ZNF704: variants seen among roughly 807,000 people sequenced by gnomAD.
ZNF704 encodes zinc finger protein 704, also known as glucocorticoid induced gene 1.
A neutral mutation model predicts 44.7 loss-of-function variants in ZNF704; 10 were observed. The ratio of observed to expected loss-of-function variants is 0.22; its 90% CI spans 0.14 to 0.38. The LOEUF (loss-of-function observed/expected upper bound fraction) is 0.38. Ranked by LOEUF, ZNF704 falls within the 10% of genes least tolerant of loss-of-function variation. ZNF704 has a pLI of 1.00. For missense variants in ZNF704, 390 were observed against 545.5 expected, an observed-to-expected ratio of 0.71 and a Z score of 2.84; for synonymous variants, 211 against 207.6, an observed-to-expected ratio of 1.02 and a Z score of -0.14.
chr8:80,789,531 G>A (rs905911035), intron 2 of ZNF704, among the ~76,000 whole-genome samples: 4 of 152,148 alleles, frequency 2.6e-5, no homozygotes, highest in African/African-American at 4.8e-5. Context: ...AGGATAGGTT[G>A]AGGATAAGAG....
intron 2 of ZNF704, among the ~76,000 whole-genome samples, chr8:80,766,510 C>A (rs1383753727): frequency 6.6e-6 from 1 of 152,160 alleles, no homozygotes; most frequent in Non-Finnish European, 1.5e-5. Flanking sequence ...CTTAATTTAG[C>A]TTCAGTTATC....
chr8:80,772,779 C>A (rs1353079702), intron 2 of ZNF704, among the ~76,000 whole-genome samples: 2 of 152,042 alleles, frequency 1.3e-5, no homozygotes, highest in Admixed American at 1.3e-4. Context: ...TTTATTATTT[C>A]TTTCCTTTGT....
intron 1 of ZNF704, among the ~76,000 whole-genome samples, chr8:80,822,526 T>C (rs919214681): frequency 2.0e-5 from 3 of 152,244 alleles, no homozygotes; most frequent in Non-Finnish European, 2.9e-5. Flanking sequence ...TGTGTCTTTA[T>C]AGCAGCATGA....
chr8:80,883,969 C>A, the ZNF704 span, among the ~76,000 whole-genome samples: 1 of 152,052 alleles, frequency 6.6e-6, no homozygotes, highest in Non-Finnish European at 1.5e-5. Flanking sequence ...TAAATTAACC[C>A]CAGCAACCTA....
chr8:80,802,996 G>T (rs2129801836), intron 2 of ZNF704, among the ~76,000 whole-genome samples: 1 of 151,980 alleles, frequency 6.6e-6, no homozygotes, highest in South Asian at 2.1e-4. Context: ...AAAGTCTCAA[G>T]ATAAAAAAAA....
At chr8:80,681,434 C>A (rs1044302965) in intron 4 of ZNF704, among the ~76,000 whole-genome samples, 8 of 152,008 alleles carry the variant, frequency 5.3e-5, no homozygotes, top group African/African-American at 1.9e-4. Context: ...CTACAACAGG[C>A]AGCATTAATC....
chr8:80,879,451 C>T (rs1165642254), upstream of ZNF704, among the ~76,000 whole-genome samples: 1 of 152,088 alleles, frequency 6.6e-6, no homozygotes, highest in African/African-American at 2.4e-5. Context: ...CAGGGTTTCA[C>T]TATGTACAGG....
At chr8:80,698,537 G>A (rs1424530327) in intron 2 of ZNF704, among the ~76,000 whole-genome samples, 1 of 152,180 alleles carries the variant, frequency 6.6e-6, no homozygotes, top group Non-Finnish European at 1.5e-5. Flanking sequence ...TGTTTCAAGT[G>A]GAATGGGGTT....
intron 2 of ZNF704, among the ~76,000 whole-genome samples, chr8:80,744,357 T>G (rs1341859338): frequency 6.6e-6 from 1 of 152,200 alleles, no homozygotes; most frequent in East Asian, 1.9e-4. Flanking sequence ...AACTAAATCC[T>G]AGGGCACTAA....
intron 2 of ZNF704, among the ~76,000 whole-genome samples, chr8:80,738,262 T>C (rs903827945): frequency 6.6e-6 from 1 of 152,180 alleles, no homozygotes; most frequent in Non-Finnish European, 1.5e-5. Context: ...CATGTCTTCC[T>C]TGGAAGCCAG....
chr8:80,854,527 T>C (rs564347711), intron 1 of ZNF704, among the ~76,000 whole-genome samples: 10 of 152,360 alleles, frequency 6.6e-5, no homozygotes, highest in South Asian at 4.1e-4. Context: ...ACTTGTAAGA[T>C]AGCAACATTA....
chr8:80,841,914 A>G (rs1459761790), intron 1 of ZNF704, among the ~76,000 whole-genome samples: 2 of 152,076 alleles, frequency 1.3e-5, no homozygotes, highest in East Asian at 3.9e-4. Context: ...CAACCTCTCA[A>G]ATACCTGGAA....
At chr8:80,649,015 A>T (rs1440939530) in intron 7 of ZNF704, among the ~76,000 whole-genome samples, 2 of 152,170 alleles carry the variant, frequency 1.3e-5, no homozygotes, top group Non-Finnish European at 2.9e-5. Flanking sequence ...TCTGCATTTC[A>T]ATTTGTTTAT....
At chr8:80,724,764 C>T (rs1806446284) in intron 2 of ZNF704, among the ~76,000 whole-genome samples, 1 of 152,176 alleles carries the variant, frequency 6.6e-6, no homozygotes, top group Admixed American at 6.5e-5. Flanking sequence ...CTGCCTAATT[C>T]AGGCACTCAT....
chr8:80,721,689 T>G (rs1280937759), intron 2 of ZNF704, among the ~76,000 whole-genome samples: 4 of 152,172 alleles, frequency 2.6e-5, no homozygotes, highest in African/African-American at 9.7e-5. Context: ...ACTAGGCAGT[T>G]TTTGGATGTT....
chr8:80,836,244 C>A (rs568500426), intron 1 of ZNF704, among the ~76,000 whole-genome samples: 1 of 152,200 alleles, frequency 6.6e-6, no homozygotes, highest in Non-Finnish European at 1.5e-5. Context: ...CTCACAGCTA[C>A]CCCCAGCCTT....
intron 1 of ZNF704, among the ~76,000 whole-genome samples, chr8:80,838,924 A>T (rs1302063377): frequency 6.6e-6 from 1 of 151,642 alleles, no homozygotes; most frequent in Non-Finnish European, 1.5e-5. Flanking sequence ...AGAGAAACAG[A>T]AACAGAGGGC....
intron 2 of ZNF704, among the ~76,000 whole-genome samples, chr8:80,729,867 G>GA (rs1172647809): frequency 6.6e-6 from 1 of 152,210 alleles, no homozygotes; most frequent in Non-Finnish European, 1.5e-5. Flanking sequence ...AAGGTGAATA[G>GA]AGTTTGATTA....
intron 2 of ZNF704, among the ~76,000 whole-genome samples, chr8:80,751,546 T>C (rs1481755036): frequency 6.6e-6 from 1 of 152,352 alleles, no homozygotes; most frequent in South Asian, 2.1e-4. Flanking sequence ...ATGAGTAAAA[T>C]AAAAATTCAT....
Sources: allele counts gnomAD v4.1 joint callset (sites outside exome capture counted in the v4.1 genomes callset), GRCh38; gene constraint gnomAD v4.1.1; transcripts MANE v1.5; gene names NCBI Gene and HGNC (gene_info 2026-07-23, HGNC 2026-07-21).